Variants in RPS6KA2 observed in about 807,000 individuals in gnomAD.
RPS6KA2 encodes the protein ribosomal protein S6 kinase A2.
In RPS6KA2, 42 loss-of-function variants were observed where a neutral mutation model predicts 91.8. The observed-to-expected ratio is 0.46, with a 90% CI of 0.36 to 0.59. The LOEUF (loss-of-function observed/expected upper bound fraction) is 0.59. Among genes scored for constraint, RPS6KA2 ranks in the 20% least tolerant of loss-of-function variants. The pLI, the probability that RPS6KA2 is intolerant of heterozygous loss-of-function variation, is 0.00. For synonymous variants in RPS6KA2, 414 were observed against 393.6 expected (o/e 1.05, Z -0.61); for missense variants, 798 against 978.5 (o/e 0.82, Z 2.46).
Position 166,626,097 on chromosome 6 carries a change from T to C in RPS6KA2, c.99+824A>G, listed in dbSNP as rs948631903. 6.6e-6 allele frequency among the ~76,000 whole-genome samples: 1 copy of C among 152,218 alleles called. No individual in the cohort carries two copies. The highest frequency in any genetic ancestry group is 1.5e-5 in the Non-Finnish European group (1 of 68,026). On this transcript the variant is annotated intron_variant, in intron 1 of 20. Transcript: ENST00000265678. This position sits in a 1 kb window ranked among gnomAD's most constrained non-coding sequence, Gnocchi z 4.1. ...TTGGGTCCCAGCCTCAGTCTCCCCA[T>C]CACCATGTCTTTTTCACTTAAACAC...
intron 10 of RPS6KA2, 29 bp downstream of exon 10, chr6:166,488,804 C>T (rs772352845): frequency 4.5e-5 from 71 of 1,580,834 alleles, no homozygotes; most frequent in Middle Eastern, 2.1e-4. Context: ...CTGCACGTTC[C>T]CGTGGTGGGG....
rs6910826 is a variant in RPS6KA2, at chr6:166,737,442, G to A, written c.123+120758C>T. Among the ~76,000 whole-genome samples, 1 of 151,864 alleles carries A rather than the reference G, an allele frequency of 6.6e-6. No homozygotes were observed. The highest frequency in any genetic ancestry group is 1.5e-5 in the Non-Finnish European group (1 of 67,986). On this transcript the variant is annotated intron_variant, in intron 2 of 21. Transcript: ENST00000503859. The surrounding 1 kb of genome is among the most constrained non-coding windows in gnomAD (Gnocchi z 4.3). ...ATAGCCAGACACCTCGAGAAATGAC[G>A]CACGCCTTACTCATTTATAATCAGC...
chr6:166,774,974 C>T (rs569512955), intron 2 of RPS6KA2, among the ~76,000 whole-genome samples: 19 of 151,958 alleles, frequency 1.3e-4, no homozygotes, highest in Admixed American at 2.6e-4. Flanking sequence ...AGAGGAGAAA[C>T]GGCAGGTGGC....
At chr6:166,838,126 G>T (rs1158607899) in intron 2 of RPS6KA2, among the ~76,000 whole-genome samples, 1 of 152,234 alleles carries the variant, frequency 6.6e-6, no homozygotes, top group African/African-American at 2.4e-5. Context: ...AGGACCTCAG[G>T]CTTGAAAGCC....
chr6:166,688,151 G>A (rs1010994275), intron 2 of RPS6KA2, among the ~76,000 whole-genome samples: 1 of 152,180 alleles, frequency 6.6e-6, no homozygotes, highest in Admixed American at 6.5e-5. Flanking sequence ...TCTCTGGAAG[G>A]CGAAGGAGCT....
Position 166,423,591 on chromosome 6 carries a change from C to T in RPS6KA2, c.1582-174G>A, listed in dbSNP as rs1778807802. Among the ~76,000 whole-genome samples the T allele has an allele frequency of 1.3e-5, 2 of 152,194 alleles. No individual in the cohort carries two copies. The highest frequency in any genetic ancestry group is 2.9e-5 in the Non-Finnish European group (2 of 68,040). Reference sequence around the variant, plus strand: ...GCTGTCTTCTCCAGAGGGCCCCCCACCTTCTCCCATTCTCCTGTGGTGGTC... The same window carrying T: ...GCTGTCTTCTCCAGAGGGCCCCCCATCTTCTCCCATTCTCCTGTGGTGGTC... On this transcript the variant is annotated intron_variant, in intron 16 of 20. Coordinates refer to ENST00000265678, the MANE Select transcript of RPS6KA2 (RefSeq NM_021135.6). The surrounding 1 kb of genome is among the most constrained non-coding windows in gnomAD (Gnocchi z 4.8).
At chr6:166,823,434 AGT>A (rs56187218) in intron 2 of RPS6KA2, among the ~76,000 whole-genome samples, 17,722 of 147,910 alleles carry the variant, frequency 0.12, 2,060 homozygotes, top group East Asian at 0.32. Context: ...TTGGTTTTGC[AGT>A]GTGTGTGTGT....
intron 2 of RPS6KA2, chr6:166,702,552 C>G (rs1184794773): frequency 8.4e-6 from 12 of 1,434,948 alleles, no homozygotes; most frequent in African/African-American, 2.8e-5. Flanking sequence ...AACTATCCAG[C>G]ACCTCCCACT....
In RPS6KA2 at chr6:166,412,956, C is replaced by T. The variant is rs1383909902; in HGVS notation, c.2077-69G>A. The T allele has an allele frequency of 4.1e-6, 6 of 1,445,916 alleles. No individual in the cohort carries two copies. The highest frequency in any genetic ancestry group is 5.5e-6 in the Non-Finnish European group (6 of 1,087,332). 89.6% of individuals were successfully genotyped at this position (1,445,916 alleles called of 1,614,324 possible). A position where few individuals can be genotyped will look rare whatever the true frequency, so the allele number is the denominator to read the frequency against. On this transcript the variant is annotated intron_variant, in intron 20 of 20. Coordinates refer to ENST00000265678, the MANE Select transcript of RPS6KA2 (RefSeq NM_021135.6). This position sits in a 1 kb window ranked among gnomAD's most constrained non-coding sequence, Gnocchi z 4.3. ...CAGGGGTTGAGCCGGAGCCCGGGGCCTCCATGGGCCTCAGCTGCCCCCAGG... is the reference window on the plus strand; with the variant it reads ...CAGGGGTTGAGCCGGAGCCCGGGGCTTCCATGGGCCTCAGCTGCCCCCAGG...
chr6:166,678,125 G>A (rs762824673), intron 2 of RPS6KA2, among the ~76,000 whole-genome samples: 5 of 152,268 alleles, frequency 3.3e-5, no homozygotes, highest in African/African-American at 4.8e-5. Context: ...CCAACAGCCC[G>A]GCTCAAGAAC....
At chr6:166,862,478 G>A in exon 1 of RPS6KA2, 1 of 882,826 alleles carries the variant, frequency 1.1e-6, no homozygotes. Flanking sequence ...GAGGAAAGGA[G>A]GGGACGGCGC....
chr6:166,559,114 T>G (rs1784263459), intron 1 of RPS6KA2, among the ~76,000 whole-genome samples: 1 of 152,144 alleles, frequency 6.6e-6, no homozygotes, highest in African/African-American at 2.4e-5. Flanking sequence ...GAAGGAGGCT[T>G]TGGACCTGGA....
chr6:166,575,861 G>C (rs1327117856), intron 1 of RPS6KA2, among the ~76,000 whole-genome samples: 1 of 152,150 alleles, frequency 6.6e-6, no homozygotes, highest in Non-Finnish European at 1.5e-5. Flanking sequence ...AAATTCCAAA[G>C]ATGAGAATGA....
chr6:166,701,207 A>G (rs1422535748), intron 2 of RPS6KA2: 1 of 1,612,058 alleles, frequency 6.2e-7, no homozygotes, highest in Non-Finnish European at 8.5e-7. Flanking sequence ...CAAGCATAGA[A>G]GTGACCAGTT....
chr6:166,798,465 T>C (rs889366829), intron 2 of RPS6KA2, among the ~76,000 whole-genome samples: 2 of 152,208 alleles, frequency 1.3e-5, no homozygotes, highest in Non-Finnish European at 2.9e-5. Context: ...AAGAGGGCAT[T>C]AGGGAGCTTC....
intron 2 of RPS6KA2, among the ~76,000 whole-genome samples, chr6:166,855,734 T>C (rs1780882479): frequency 6.6e-6 from 1 of 152,230 alleles, no homozygotes; most frequent in Non-Finnish European, 1.5e-5. Context: ...GCATCATCTA[T>C]CAGAAACATC....
intron 14 of RPS6KA2, among the ~76,000 whole-genome samples, chr6:166,444,214 T>A (rs1779606028): frequency 6.6e-6 from 1 of 152,162 alleles, no homozygotes; most frequent in Non-Finnish European, 1.5e-5. Flanking sequence ...CAAATACACC[T>A]CTCCCCTTCC....
intron 2 of RPS6KA2, among the ~76,000 whole-genome samples, chr6:166,758,085 T>A (rs1439489100): frequency 6.6e-6 from 1 of 152,238 alleles, no homozygotes. Context: ...ACAGCCAGGC[T>A]GGCAACGTGC....
intron 3 of RPS6KA2, among the ~76,000 whole-genome samples, chr6:166,523,150 C>A (rs569117555): frequency 6.6e-6 from 1 of 152,110 alleles, no homozygotes; most frequent in Non-Finnish European, 1.5e-5. Context: ...CATACAGAGG[C>A]GGGTGTATCT....
Sources: gnomAD v4.1 joint callset for allele counts (sites outside exome capture counted in the v4.1 genomes callset) on GRCh38, gnomAD v4.1.1 for gene constraint, Gnocchi (gnomAD v3.1) non-coding constraint, MANE v1.5 for transcripts, NCBI Gene and HGNC (gene_info 2026-07-23, HGNC 2026-07-21) for gene names.